HS3ST5: variants seen among roughly 807,000 people sequenced by gnomAD.
HS3ST5 encodes the protein heparan sulfate glucosamine 3-O-sulfotransferase 5.
Under a neutral mutation model 25.4 loss-of-function variants are expected in HS3ST5, and 10 were observed. That is an observed-to-expected ratio of 0.39 (90% CI 0.24 to 0.67). HS3ST5 has a LOEUF of 0.67. HS3ST5 is among the 30% of genes least tolerant of loss of function. The pLI, the probability that HS3ST5 is intolerant of heterozygous loss-of-function variation, is 0.44. For synonymous variants in HS3ST5, 170 were observed against 162.4 expected, an observed-to-expected ratio of 1.05 and a Z score of -0.36; for missense variants, 324 against 420.7, an observed-to-expected ratio of 0.77 and a Z score of 2.01.
At chr6:114,068,760 A>G (rs1773613884) in intron 3 of HS3ST5, among the ~76,000 whole-genome samples, 1 of 152,318 alleles carries the variant, frequency 6.6e-6, no homozygotes, top group Non-Finnish European at 1.5e-5. Flanking sequence ...TTCTTTTTAT[A>G]TAAAAAATGC....
intron 2 of HS3ST5, among the ~76,000 whole-genome samples, chr6:114,173,728 G>A (rs935792256): frequency 5.3e-5 from 8 of 152,042 alleles, no homozygotes; most frequent in East Asian, 3.9e-4. Flanking sequence ...ACGTAGTCGC[G>A]GGTACCTGTA....
At chr6:114,257,112 T>C (rs1392287235) in intron 1 of HS3ST5, among the ~76,000 whole-genome samples, 3 of 151,964 alleles carry the variant, frequency 2.0e-5, no homozygotes, top group Non-Finnish European at 4.4e-5. Context: ...GATTCAATTA[T>C]CTCCCACCGG....
rs1191913317 is a variant in HS3ST5, at chr6:114,169,046, A to C, written c.-144-584T>G. On this transcript the variant is annotated intron_variant, in intron 2 of 4. Transcript: ENST00000312719. Reference sequence around the variant, plus strand: ...AAGTGTTGTATTAGTGGGATGAAAAAAAAGAAAGAGATGAGAAAAATGAAA... The same window carrying C: ...AAGTGTTGTATTAGTGGGATGAAAACAAAGAAAGAGATGAGAAAAATGAAA... Among the ~76,000 whole-genome samples, 4 of 152,184 alleles carry C rather than the reference A, an allele frequency of 2.6e-5. No individual in the cohort carries two copies. In the East Asian group the frequency reaches 5.8e-4, roughly 22 times the overall value.
At chr6:114,125,927 A>G (rs1474332770) in intron 3 of HS3ST5, among the ~76,000 whole-genome samples, 1 of 152,224 alleles carries the variant, frequency 6.6e-6, no homozygotes, top group South Asian at 2.1e-4. Flanking sequence ...AGGCAGTATT[A>G]CAGGGAACTA....
intron 1 of HS3ST5, among the ~76,000 whole-genome samples, chr6:114,233,495 T>C (rs577595897): frequency 3.3e-5 from 5 of 152,300 alleles, no homozygotes; most frequent in African/African-American, 1.2e-4. Flanking sequence ...CATTTGTGTC[T>C]GATCAGAATT....
chr6:114,192,249 CAT>C (rs1780538092), intron 2 of HS3ST5, among the ~76,000 whole-genome samples: 1 of 152,130 alleles, frequency 6.6e-6, no homozygotes, highest in Admixed American at 6.6e-5. Context: ...TTAATGTATG[CAT>C]ATAGATTTCT....
chr6:114,087,657 T>G (rs1182853908), intron 3 of HS3ST5, among the ~76,000 whole-genome samples: 1 of 152,224 alleles, frequency 6.6e-6, no homozygotes, highest in Non-Finnish European at 1.5e-5. Context: ...AGTTCTATTT[T>G]TTTAAATGTA....
intron 1 of HS3ST5, among the ~76,000 whole-genome samples, chr6:114,243,194 C>T (rs1438887408): frequency 2.0e-5 from 3 of 152,194 alleles, no homozygotes; most frequent in African/African-American, 2.4e-5. Context: ...GATTAGCCCA[C>T]TCCAAGTGGC....
intron 3 of HS3ST5, among the ~76,000 whole-genome samples, chr6:114,161,588 G>A (rs1308567484): frequency 2.7e-5 from 3 of 112,594 alleles, no homozygotes; most frequent in Admixed American, 1.1e-4. Flanking sequence ...ATGCAATGGC[G>A]TGTATGTGTG....
intron 2 of HS3ST5, among the ~76,000 whole-genome samples, chr6:114,184,102 G>A (rs1209810221): frequency 8.0e-5 from 9 of 112,366 alleles, no homozygotes; most frequent in African/African-American, 3.1e-4. Flanking sequence ...TCGCTCTGTC[G>A]CCCAGGCTAG....
intron 1 of HS3ST5, among the ~76,000 whole-genome samples, chr6:114,292,948 TC>T (rs983033947): frequency 6.6e-6 from 1 of 151,968 alleles, no homozygotes; most frequent in African/African-American, 2.4e-5. Flanking sequence ...TTTTTTTTTT[TC>T]CCAAATATTT....
intron 3 of HS3ST5, among the ~76,000 whole-genome samples, chr6:114,076,541 GA>G (rs1475464671): frequency 6.6e-6 from 1 of 152,124 alleles, no homozygotes; most frequent in Non-Finnish European, 1.5e-5. Flanking sequence ...CTTGTCCTAA[GA>G]CATAACATTT....
In HS3ST5 at chr6:114,342,359, G is replaced by C. The variant is rs1236087881; in HGVS notation, c.-503C>G. The C allele has an allele frequency of 6.1e-6, 1 of 165,110 alleles. No individual in the cohort carries two copies. Among genetic ancestry groups the C allele is most frequent in the Non-Finnish European group, 1.3e-5 (1 of 78,290 alleles). The allele number at this position is 165,110 out of a possible 1,614,324, so 10.2% of individuals were successfully genotyped here. ...GCGGAGAGCGAGTCGGCGTGAATGA[G>C]AGCAAACCAACAGGGCTGTGCGTGG... On this transcript the variant is annotated 5_prime_UTR_variant, in exon 1 of 5. Transcript: ENST00000312719.
intron 1 of HS3ST5, among the ~76,000 whole-genome samples, chr6:114,319,235 A>G (rs1024900417): frequency 3.9e-5 from 6 of 152,158 alleles, no homozygotes; most frequent in Non-Finnish European, 7.4e-5. Context: ...TTTCTTTTGC[A>G]TTATCCAATT....
At chr6:114,084,925 G>A (rs372178298) in intron 3 of HS3ST5, 4 of 469,876 alleles carry the variant, frequency 8.5e-6, no homozygotes, top group Non-Finnish European at 1.5e-5. Flanking sequence ...TCTGCCTCCC[G>A]GGTTCAAGCG....
At chr6:114,133,767 C>T (rs1777461476) in intron 3 of HS3ST5, among the ~76,000 whole-genome samples, 1 of 152,108 alleles carries the variant, frequency 6.6e-6, no homozygotes, top group Admixed American at 6.6e-5. Context: ...GAAATATGTG[C>T]AGGACATTTC....
At chr6:114,227,923 A>G (rs1406881608) in intron 2 of HS3ST5, among the ~76,000 whole-genome samples, 1 of 152,156 alleles carries the variant, frequency 6.6e-6, no homozygotes, top group African/African-American at 2.4e-5. Flanking sequence ...GAATTAGCCC[A>G]TCATACTGAA....
Position 114,166,059 on chromosome 6 carries a change from A to T in HS3ST5, c.-33+2292T>A, listed in dbSNP as rs531578175. Among the ~76,000 whole-genome samples the T allele has an allele frequency of 3.3e-5, 5 of 151,652 alleles. No individual in the cohort carries two copies. The South Asian group carries it at 6.2e-4, about 19-fold the overall frequency. On this transcript the variant is annotated intron_variant, in intron 3 of 4. Coordinates refer to ENST00000312719, the MANE Select transcript of HS3ST5 (RefSeq NM_153612.4). ...AATAAATAAAAATAATAAAGTAAAA[A>T]TACCTAGAATAAGGTTAAGTGTTCA... is the stretch of plus-strand genomic sequence containing the variant.
At chr6:114,195,029 C>A (rs1250568040) in intron 2 of HS3ST5, among the ~76,000 whole-genome samples, 1 of 152,152 alleles carries the variant, frequency 6.6e-6, no homozygotes, top group African/African-American at 2.4e-5. Context: ...TCAATAGATA[C>A]CACTGAAAGA....
Sources: gnomAD v4.1 joint callset for allele counts (sites outside exome capture counted in the v4.1 genomes callset) on GRCh38, gnomAD v4.1.1 for gene constraint, MANE v1.5 for transcripts, NCBI Gene and HGNC (gene_info 2026-07-23, HGNC 2026-07-21) for gene names.